The following WWOX variants were observed in gnomAD, a reference collection of about 807,000 sequenced individuals.
The protein encoded by WWOX is WW domain-containing oxidoreductase.
Under a neutral mutation model 46.2 loss-of-function variants are expected in WWOX, and 69 were observed. That is an observed-to-expected ratio of 1.49 (90% confidence interval 1.23 to 1.82). The LOEUF is 1.82. Ranked by LOEUF, WWOX falls within the 40% of genes most tolerant of loss-of-function variation. WWOX has a pLI of 0.00. For synonymous variants in WWOX, 359 were observed against 202.6 expected, an observed-to-expected ratio of 1.77 and a Z score of -6.56; for missense variants, 919 against 542.6, an observed-to-expected ratio of 1.69 and a Z score of -6.89.
rs575957594 is a variant in WWOX, at chr16:78,912,828, C to T, written c.1057-298780C>T. Among the ~76,000 whole-genome samples, 108 of 152,042 alleles carry T rather than the reference C, an allele frequency of 7.1e-4. No individual in the cohort carries two copies. In the South Asian group the frequency reaches 8.1e-3, roughly 11 times the overall value. ...AGAGAGGAAGATATACAAGGTTCTC[C>T]CTCAAGAGGTCAGACGTATTATCAT... On this transcript the variant is annotated intron_variant, in intron 8 of 8. Coordinates refer to ENST00000566780, the MANE Select transcript of WWOX (RefSeq NM_016373.4).
At chr16:79,120,812 C>T (rs922244611) in intron 8 of WWOX, among the ~76,000 whole-genome samples, 3 of 152,122 alleles carry the variant, frequency 2.0e-5, no homozygotes, top group East Asian at 3.9e-4. Context: ...TCTGTTGCCC[C>T]GGCTGGAGTG....
chr16:78,709,761 C>G (rs559925469), intron 8 of WWOX, among the ~76,000 whole-genome samples: 70 of 148,102 alleles, frequency 4.7e-4, no homozygotes, highest in African/African-American at 1.7e-3. Flanking sequence ...GATAATCTCT[C>G]TCTGTCACCC....
chr16:78,521,495 C>A (rs1194674640), intron 8 of WWOX, among the ~76,000 whole-genome samples: 1 of 152,192 alleles, frequency 6.6e-6, no homozygotes, highest in African/African-American at 2.4e-5. Flanking sequence ...GTACCTGCCA[C>A]CTGTGTGAAG....
chr16:78,314,446 C>A (rs1325257703), intron 5 of WWOX, among the ~76,000 whole-genome samples: 1 of 149,488 alleles, frequency 6.7e-6, no homozygotes, highest in Non-Finnish European at 1.5e-5. Context: ...CGTAGGACCC[C>A]TGAACATTTA....
At chr16:78,836,650 C>T (rs916050919) in intron 8 of WWOX, among the ~76,000 whole-genome samples, 7 of 152,168 alleles carry the variant, frequency 4.6e-5, no homozygotes, top group African/African-American at 1.7e-4. Context: ...AGGTGGCTGG[C>T]ATTAGGCCAT....
chr16:78,146,215 G>T (rs1326092699), intron 4 of WWOX, among the ~76,000 whole-genome samples: 1 of 152,044 alleles, frequency 6.6e-6, no homozygotes, highest in African/African-American at 2.4e-5. Context: ...TTAGGCTCCC[G>T]CTGCTGACAA....
chr16:79,129,568 G>A (rs1252968767), intron 8 of WWOX, among the ~76,000 whole-genome samples: 1 of 151,568 alleles, frequency 6.6e-6, no homozygotes, highest in Middle Eastern at 3.2e-3. Context: ...TAAATAATTA[G>A]GATTACCTCT....
chr16:79,208,995 T>G (rs1373034355), intron 8 of WWOX, among the ~76,000 whole-genome samples: 1 of 152,180 alleles, frequency 6.6e-6, no homozygotes, highest in East Asian at 1.9e-4. Context: ...ACGATTGATT[T>G]TTGGAGTAGA....
chr16:79,113,030 G>T (rs972193105), intron 8 of WWOX, among the ~76,000 whole-genome samples: 2 of 152,228 alleles, frequency 1.3e-5, no homozygotes, highest in African/African-American at 4.8e-5. Context: ...CCCAGTGCCA[G>T]GTGCTGAAGA....
rs563714553 is a variant in WWOX, at chr16:79,048,595, C to T, written c.1057-163013C>T. On this transcript the variant is annotated intron_variant, in intron 8 of 8. Transcript: ENST00000566780. ...CCATCCTAACCTGCCATTAACATAA[C>T]GTATGCTAAAGAATGTGTTGTGTTT... Among the ~76,000 whole-genome samples the T allele has an allele frequency of 3.9e-5, 6 of 152,220 alleles. No homozygotes were observed. The East Asian group carries it at 5.8e-4, about 15-fold the overall frequency.
chr16:78,720,422 A>T (rs1372433923), intron 8 of WWOX, among the ~76,000 whole-genome samples: 1 of 150,792 alleles, frequency 6.6e-6, no homozygotes, highest in South Asian at 2.1e-4. Flanking sequence ...AAAAACTTAT[A>T]CATCATTTTA....
At chr16:78,141,925 T>C (rs1021838945) in intron 4 of WWOX, among the ~76,000 whole-genome samples, 2 of 151,998 alleles carry the variant, frequency 1.3e-5, no homozygotes, top group African/African-American at 2.4e-5. Flanking sequence ...GCAAAATACA[T>C]ATATTCTATG....
intron 8 of WWOX, among the ~76,000 whole-genome samples, chr16:78,837,577 A>G (rs574689841): frequency 5.2e-4 from 79 of 152,278 alleles, no homozygotes; most frequent in Non-Finnish European, 7.2e-4. Flanking sequence ...TAGCAGTGCA[A>G]GATTGAAGAT....
chr16:79,102,646 C>A (rs1477016076), intron 8 of WWOX, among the ~76,000 whole-genome samples: 2 of 151,828 alleles, frequency 1.3e-5, no homozygotes, highest in Admixed American at 6.6e-5. Flanking sequence ...TATACAGTGC[C>A]TACCTAGGAA....
In WWOX at chr16:79,211,858, C is replaced by G; in HGVS notation, c.*62C>G. The G allele has an allele frequency of 1.9e-6, 3 of 1,603,872 alleles. No individual in the cohort carries two copies. Among genetic ancestry groups the G allele is most frequent in the East Asian group, 2.2e-5 (1 of 44,566 alleles). ...TGTGTGTGTCCCCTCACGCAAGTGC[C>G]AGGGCTGGGCCCCTTCCAAATGTCC... On this transcript the variant is annotated 3_prime_UTR_variant, in exon 9 of 9. Coordinates refer to ENST00000566780, the MANE Select transcript of WWOX (RefSeq NM_016373.4).
At chr16:78,930,222 T>TCTTCCTTA (rs2045589754) in intron 8 of WWOX, among the ~76,000 whole-genome samples, 2 of 104,956 alleles carry the variant, frequency 1.9e-5, no homozygotes, top group East Asian at 2.4e-4. Context: ...TCAGGACCTT[T>TCTTCCTTA]CTTCCTTCCT....
chr16:78,933,928 G>T (rs905533952), intron 8 of WWOX, among the ~76,000 whole-genome samples: 1 of 152,010 alleles, frequency 6.6e-6, no homozygotes, highest in Non-Finnish European at 1.5e-5. Context: ...GAAGTGGCTC[G>T]CACCTGTAAT....
chr16:78,208,268 G>T (rs2036454959), intron 5 of WWOX, among the ~76,000 whole-genome samples: 1 of 152,182 alleles, frequency 6.6e-6, no homozygotes, highest in Non-Finnish European at 1.5e-5. Context: ...TAACAATGTA[G>T]GAGATAACGA....
chr16:78,513,168 AT>A (rs1239112316), intron 8 of WWOX, among the ~76,000 whole-genome samples: 8 of 152,254 alleles, frequency 5.3e-5, no homozygotes, highest in Non-Finnish European at 8.8e-5. Context: ...ATTAAAACAA[AT>A]GCCTCAAATC....
Sources: allele counts gnomAD v4.1 joint callset (sites outside exome capture counted in the v4.1 genomes callset), GRCh38; gene constraint gnomAD v4.1.1; transcripts MANE v1.5; gene names NCBI Gene and HGNC (gene_info 2026-07-23, HGNC 2026-07-21).